The following TPR variants were observed in gnomAD, a reference collection of about 807,000 sequenced individuals.
TPR encodes nucleoprotein TPR.
In TPR, 51 loss-of-function variants were observed where a neutral mutation model predicts 316.1. The observed-to-expected ratio is 0.16, with a 90% confidence interval of 0.13 to 0.20. The LOEUF is 0.20. Ranked by LOEUF, TPR falls within the 10% of genes least tolerant of loss-of-function variation. TPR has a pLI of 1.00. For missense variants in TPR, 2,272 were observed against 2,754.8 expected (o/e 0.82, Z 3.92); for synonymous variants, 981 against 914.7 (o/e 1.07, Z -1.31).
Position 186,325,871 on chromosome 1 carries a change from G to T in TPR, c.6022-17C>A, listed in dbSNP as rs757087235. 2 of 1,608,162 alleles carry T rather than the reference G, an allele frequency of 1.2e-6. No individual in the cohort carries two copies. Among genetic ancestry groups the T allele is most frequent in the Non-Finnish European group, 1.7e-6 (2 of 1,176,764 alleles). On this transcript the variant is annotated splice_polypyrimidine_tract_variant and intron_variant, in intron 41 of 50. Coordinates refer to ENST00000367478, the MANE Select transcript of TPR (RefSeq NM_003292.3). The stretch of plus-strand genomic sequence containing the variant: ...ATCACCACCCTAAAAACAAAACGTG[G>T]TAACATAATGCTCAAATAAAATAAA...
rs149598569 is a variant in TPR, at chr1:186,343,755, T to C, written c.3602+151A>G. The C allele has an allele frequency of 4.8e-3, 4,189 of 874,926 alleles. 108 individuals are homozygous for C. In the African/African-American group the frequency reaches 0.058, roughly 12 times the overall value. 54.2% of individuals were successfully genotyped at this position (874,926 alleles called of 1,614,324 possible). The stretch of plus-strand genomic sequence containing the variant: ...ACTTTAAAGTCACTTGTTTAATATG[T>C]GTAAATGTTAAAAGTTATGAGTTCT... On this transcript the variant is annotated intron_variant, in intron 26 of 50. Coordinates refer to ENST00000367478, the MANE Select transcript of TPR (RefSeq NM_003292.3).
At chr1:186,328,561 A>T (rs1477059598) in intron 39 of TPR, among the ~76,000 whole-genome samples, 1 of 152,186 alleles carries the variant, frequency 6.6e-6, no homozygotes, top group Admixed American at 6.6e-5. Context: ...AAGAAAAAAA[A>T]AATACTCATG....
At chr1:186,352,443 GACT>G (rs540938220) in intron 18 of TPR, among the ~76,000 whole-genome samples, 190 of 152,222 alleles carry the variant, frequency 1.2e-3, no homozygotes, top group Non-Finnish European at 1.8e-3. Context: ...ATTCATACCT[GACT>G]ACTATTAAAT....
At chr1:186,335,632 G>A (rs536418588) in intron 33 of TPR, 89 bp from the exon 34 acceptor site, 2 of 1,003,404 alleles carry the variant, frequency 2.0e-6, no homozygotes, top group African/African-American at 3.3e-5. Flanking sequence ...GGTCACATCA[G>A]ATTCTACTAC....
chr1:186,344,318 A>G, intron 25 of TPR, 57 bp downstream of exon 25: 1 of 1,572,300 alleles, frequency 6.4e-7, no homozygotes, highest in Non-Finnish European at 8.7e-7. Context: ...TATAAAATAA[A>G]GAAAAAAACA....
intron 9 of TPR, 147 bp from the exon 10 acceptor site, chr1:186,361,052 TG>T: frequency 1.2e-6 from 1 of 852,472 alleles, no homozygotes; most frequent in Non-Finnish European, 1.7e-6. Context: ...TGAAAGTTCT[TG>T]CTCTACTTAT....
chr1:186,330,733 T>C (rs1296458694), intron 39 of TPR, among the ~76,000 whole-genome samples: 1 of 152,044 alleles, frequency 6.6e-6, no homozygotes, highest in Non-Finnish European at 1.5e-5. Context: ...ATGAGCAAAA[T>C]GATATCACTA....
intron 4 of TPR, among the ~76,000 whole-genome samples, chr1:186,363,655 G>A (rs185234993): frequency 1.0e-3 from 152 of 151,970 alleles, no homozygotes; most frequent in Middle Eastern, 3.4e-3. Flanking sequence ...CTTACAATTT[G>A]AAAAACTCAG....
At chr1:186,340,516 C>T (rs956991615) in intron 29 of TPR, among the ~76,000 whole-genome samples, 3 of 151,956 alleles carry the variant, frequency 2.0e-5, no homozygotes, top group African/African-American at 7.3e-5. Context: ...ACTGCAGCTT[C>T]GACCTCCTGG....
At chr1:186,317,444 G>A in intron 49 of TPR, 38 bp downstream of exon 49, 1 of 1,489,222 alleles carries the variant, frequency 6.7e-7, no homozygotes, top group East Asian at 2.3e-5. Context: ...CAAGTTTGAT[G>A]TATAAAAACT....
At chr1:186,349,236 C>T (rs965714984) in intron 21 of TPR, among the ~76,000 whole-genome samples, 1 of 152,200 alleles carries the variant, frequency 6.6e-6, no homozygotes, top group African/African-American at 2.4e-5. Context: ...ATGTAATTTA[C>T]TGAACAAATA....
chr1:186,371,477 A>ATCAT (rs1255622406), intron 2 of TPR, among the ~76,000 whole-genome samples: 1 of 152,154 alleles, frequency 6.6e-6, no homozygotes, highest in Non-Finnish European at 1.5e-5. Flanking sequence ...AATATTTGCA[A>ATCAT]TTCCTATCAT....
intron 2 of TPR, 57 bp from the exon 3 acceptor site, chr1:186,371,100 G>T: frequency 7.5e-7 from 1 of 1,333,416 alleles, no homozygotes; most frequent in Non-Finnish European, 1.1e-6. Flanking sequence ...TGCAATGAGT[G>T]TTTTTATGCA....
intron 39 of TPR, among the ~76,000 whole-genome samples, chr1:186,329,830 T>C (rs1023456329): frequency 6.6e-6 from 1 of 152,170 alleles, no homozygotes; most frequent in Non-Finnish European, 1.5e-5. Context: ...TCCTTAATTT[T>C]ACATGATAAA....
Position 186,336,607 on chromosome 1 carries a change from G to T in TPR, c.4594C>A (p.Leu1532Ile). ...TCCTCCTGTGTGGTTCTATCTTGAA[G>T]ATCCTGACGAAGTCGTGAAAGTTCA... The part of the protein sequence containing the change: ...QSELSRLRQD[L>I]QDRTTQEEQL... Residue 1532 changes from leucine to isoleucine, a missense_variant, in exon 33 of 51, where the codon CTT (leucine) becomes ATT (isoleucine). Physicochemically the swap from Leu to Ile is conservative, Grantham distance 5 (BLOSUM62 2). Around this residue, in one of 10 missense-constraint regions of TPR, gnomAD observed 101 missense variants for 113.0 expected, o/e 0.89. Coordinates refer to ENST00000367478, the MANE Select transcript of TPR (RefSeq NM_003292.3). The T allele has an allele frequency of 2.5e-6, 4 of 1,613,880 alleles. No homozygotes were observed. Among genetic ancestry groups the T allele is most frequent in the Non-Finnish European group, 3.4e-6 (4 of 1,179,890 alleles).
rs1261378021 is a variant in TPR at position 186,349,906 on chromosome 1, G to T, written c.2776+317C>A. 3.3e-5 allele frequency among the ~76,000 whole-genome samples: 5 copies of T among 151,856 alleles called. No individual in the cohort carries two copies. In the East Asian group the frequency reaches 9.7e-4, roughly 29 times the overall value. On this transcript the variant is annotated intron_variant, in intron 21 of 50. Transcript: ENST00000367478. ...AGCAACCTTATTTCCAAGGGGCCCG[G>T]GTTAAAAAATCAAATAACCCTCTTC...
chr1:186,311,795 T>C lies in TPR; in HGVS notation c.*2176A>G, dbSNP rs1228032650. The C allele has an allele frequency of 3.1e-6, 2 of 641,232 alleles. No individual in the cohort carries two copies. The highest frequency in any genetic ancestry group is 5.3e-6 in the Non-Finnish European group (2 of 379,340). The allele number at this position is 641,232 out of a possible 1,614,324, so 39.7% of individuals were successfully genotyped here. A position where few individuals can be genotyped will look rare whatever the true frequency, so the allele number is the denominator to read the frequency against. ...CATTTCTTCACAGGCAAGTCACAAT[T>C]CATTTGAGTTTTCAGGTCACTGATA... On this transcript the variant is annotated 3_prime_UTR_variant, in exon 51 of 51. Transcript: ENST00000367478.
At chr1:186,345,977 T>A (rs936238693) in intron 23 of TPR, among the ~76,000 whole-genome samples, 158 bp downstream of exon 23, 2 of 152,172 alleles carry the variant, frequency 1.3e-5, no homozygotes, top group Non-Finnish European at 2.9e-5. Context: ...GGGAAATGTA[T>A]ATAGAGGTAC....
In TPR at chr1:186,334,472, T is replaced by A. The variant is rs1658278705; in HGVS notation, c.5035A>T (p.Ser1679Cys). ...GCCATAGCTGCAGCTGTCACTTTAC[T>A]TGGAGTAGACACAACAGGAGTTGGC... Reference protein sequence around the residue: ...IKPTPVVSTPSKVTAAAMAGN... With the variant: ...IKPTPVVSTPCKVTAAAMAGN... Residue 1679 changes from serine to cysteine, a missense_variant, in exon 36 of 51, where the codon AGT becomes TGT. Physicochemically the swap from Ser to Cys is moderately radical, Grantham distance 112 (BLOSUM62 -1). Coordinates refer to ENST00000367478, the MANE Select transcript of TPR (RefSeq NM_003292.3). The A allele has an allele frequency of 2.5e-6, 4 of 1,613,764 alleles. No individual in the cohort carries two copies. Among genetic ancestry groups the A allele is most frequent in the Non-Finnish European group, 3.4e-6 (4 of 1,179,770 alleles).
Sources: allele counts gnomAD v4.1 joint callset (sites outside exome capture counted in the v4.1 genomes callset), GRCh38; gene constraint gnomAD v4.1.1; regional missense constraint gnomAD v4.1.1; transcripts MANE v1.5; gene names NCBI Gene and HGNC (gene_info 2026-07-23, HGNC 2026-07-21).